Variants in TMEM232 observed in about 807,000 individuals in gnomAD.
The protein encoded by TMEM232 is transmembrane protein 232.
Under a neutral mutation model 78.8 loss-of-function variants are expected in TMEM232, and 80 were observed. The ratio of observed to expected loss-of-function variants is 1.01; its 90% CI spans 0.85 to 1.22. The LOEUF (loss-of-function observed/expected upper bound fraction) is 1.22, where lower values mean the gene tolerates loss of function less well. Among genes scored for constraint, TMEM232 ranks in the 50% most tolerant of loss-of-function variants. The probability of loss-of-function intolerance (pLI) is 0.00; values close to 1 mark genes in which losing one functional copy is unlikely to be tolerated. For synonymous variants in TMEM232, 297 were observed against 254.3 expected (o/e 1.17, Z -1.60); for missense variants, 881 against 742.2 (o/e 1.19, Z -2.17).
intron 1 of TMEM232, among the ~76,000 whole-genome samples, chr5:110,676,135 G>T (rs546494353): frequency 6.6e-6 from 1 of 152,186 alleles, no homozygotes; most frequent in African/African-American, 2.4e-5. Context: ...ATATCATTAG[G>T]TATATATACT....
At chr5:110,686,258 A>T (rs1793391008) in intron 1 of TMEM232, among the ~76,000 whole-genome samples, 1 of 152,052 alleles carries the variant, frequency 6.6e-6, no homozygotes, top group East Asian at 1.9e-4. Context: ...CCAAACTACT[A>T]AAACAGCCTT....
intron 12 of TMEM232, among the ~76,000 whole-genome samples, chr5:110,490,964 CAAAAT>C (rs1190546227): frequency 2.0e-5 from 3 of 152,008 alleles, no homozygotes; most frequent in African/African-American, 7.2e-5. Context: ...CAAAAACACA[CAAAAT>C]AAATAAATTT....
At chr5:110,616,671 A>C (rs1219752629) in intron 8 of TMEM232, among the ~76,000 whole-genome samples, 1 of 152,154 alleles carries the variant, frequency 6.6e-6, no homozygotes, top group Non-Finnish European at 1.5e-5. Flanking sequence ...TCAAAAGAAG[A>C]CATACTAATG....
chr5:110,670,554 T>C (rs1791224593), intron 1 of TMEM232, among the ~76,000 whole-genome samples: 1 of 152,156 alleles, frequency 6.6e-6, no homozygotes, highest in Admixed American at 6.5e-5. Flanking sequence ...ATGGCCATAT[T>C]GTCCAACGTA....
intron 12 of TMEM232, among the ~76,000 whole-genome samples, chr5:110,517,063 T>C (rs1021118623): frequency 1.3e-5 from 2 of 152,220 alleles, no homozygotes; most frequent in African/African-American, 2.4e-5. Flanking sequence ...TCTTGCCGTC[T>C]TTCACATTTC....
intron 1 of TMEM232, among the ~76,000 whole-genome samples, chr5:110,681,723 G>C (rs1382303960): frequency 1.3e-5 from 2 of 152,172 alleles, no homozygotes; most frequent in Non-Finnish European, 2.9e-5. Context: ...AGTTTAAGTG[G>C]AGTTGAATAA....
intron 12 of TMEM232, among the ~76,000 whole-genome samples, chr5:110,455,035 C>A (rs1301872316): frequency 6.6e-6 from 1 of 151,722 alleles, no homozygotes; most frequent in Non-Finnish European, 1.5e-5. Flanking sequence ...TAAAATATTA[C>A]AAACAATTAG....
In TMEM232 at chr5:110,720,815, C is replaced by T. The variant is rs141993693; in HGVS notation, c.-13+5812G>A. 3.9e-5 allele frequency: 6 copies of T among 152,192 alleles called. No individual in the cohort carries two copies. In the East Asian group the frequency reaches 5.8e-4, roughly 15 times the overall value. The allele number at this position is 152,192 out of a possible 1,614,324, so 9.4% of individuals were successfully genotyped here. On this transcript the variant is annotated intron_variant, in intron 1 of 13. Coordinates refer to ENST00000455884, the MANE Select transcript of TMEM232 (RefSeq NM_001039763.4). ...TGCTTCTTTCTATTAATATACCACT[C>T]CACGTTAACACATGCTCAACTGTTG...
chr5:110,418,661 T>C (rs183028117), downstream of TMEM232, among the ~76,000 whole-genome samples: 54 of 152,126 alleles, frequency 3.5e-4, no homozygotes, highest in Non-Finnish European at 6.0e-4. Context: ...GATAATAGCA[T>C]GTTGGAAGTA....
chr5:110,630,005 T>C (rs1784919468), intron 5 of TMEM232, among the ~76,000 whole-genome samples: 1 of 152,174 alleles, frequency 6.6e-6, no homozygotes, highest in African/African-American at 2.4e-5. Flanking sequence ...GAGCGGGTGA[T>C]GCATCTTTGA....
chr5:110,443,044 G>A (rs1234654065), intron 12 of TMEM232, among the ~76,000 whole-genome samples: 9 of 152,152 alleles, frequency 5.9e-5, no homozygotes, highest in Admixed American at 5.9e-4. Flanking sequence ...TGTCAGCACA[G>A]CACTGGGTCC....
intron 13 of TMEM232, among the ~76,000 whole-genome samples, chr5:110,423,688 G>A (rs1482931660): frequency 2.6e-5 from 4 of 151,864 alleles, no homozygotes; most frequent in Admixed American, 2.0e-4. Flanking sequence ...ATGATGGATG[G>A]TTGTTAGGAG....
At chr5:110,614,552 G>A (rs767628444) in intron 8 of TMEM232, among the ~76,000 whole-genome samples, 2 of 151,828 alleles carry the variant, frequency 1.3e-5, no homozygotes, top group African/African-American at 4.8e-5. Context: ...TCTAAAAATC[G>A]GTTAAAGAAA....
intron 1 of TMEM232, among the ~76,000 whole-genome samples, chr5:110,683,743 G>A (rs1339523620): frequency 6.6e-6 from 1 of 151,710 alleles, no homozygotes; most frequent in Non-Finnish European, 1.5e-5. Flanking sequence ...TGGCAGTATG[G>A]GAAAGGGTAC....
chr5:110,657,589 C>G (rs1789257073), intron 2 of TMEM232, among the ~76,000 whole-genome samples: 1 of 152,000 alleles, frequency 6.6e-6, no homozygotes, highest in South Asian at 2.1e-4. Flanking sequence ...TTACCAGAGG[C>G]TGGGGAGGGT....
At chr5:110,626,788 T>G (rs1456009424) in intron 6 of TMEM232, among the ~76,000 whole-genome samples, 1 of 152,046 alleles carries the variant, frequency 6.6e-6, no homozygotes, top group Non-Finnish European at 1.5e-5. Flanking sequence ...AACTCATCAT[T>G]TTTCAGACCT....
downstream of TMEM232, chr5:110,418,234 T>C (rs1339602253): frequency 6.6e-6 from 1 of 152,214 alleles, no homozygotes; most frequent in African/African-American, 2.4e-5. Flanking sequence ...CTGACAGGTT[T>C]GTTTACTTTC....
intron 12 of TMEM232, among the ~76,000 whole-genome samples, chr5:110,484,805 C>T (rs1455474117): frequency 1.3e-5 from 2 of 151,822 alleles, no homozygotes; most frequent in African/African-American, 2.4e-5. Flanking sequence ...AATATGTGTA[C>T]ATCTAATAAT....
At chr5:110,704,692 C>T (rs570930642) in intron 1 of TMEM232, among the ~76,000 whole-genome samples, 1 of 152,140 alleles carries the variant, frequency 6.6e-6, no homozygotes, top group East Asian at 1.9e-4. Flanking sequence ...TAGCCCAGTG[C>T]TCCTACAGCA....
Sources: gnomAD v4.1 joint callset for allele counts (sites outside exome capture counted in the v4.1 genomes callset) on GRCh38, gnomAD v4.1.1 for gene constraint, MANE v1.5 for transcripts, NCBI Gene and HGNC (gene_info 2026-07-23, HGNC 2026-07-21) for gene names.